SIDT1: variants seen among roughly 807,000 people sequenced by gnomAD.
SIDT1 encodes SID1 transmembrane family, member 1.
In SIDT1, 101 loss-of-function variants were observed where a neutral mutation model predicts 107.5. The observed-to-expected ratio is 0.94, with a 90% CI of 0.80 to 1.11. SIDT1 has a LOEUF of 1.11. Among genes scored for constraint, SIDT1 ranks in the 50% least tolerant of loss-of-function variants. The pLI is 0.00. For missense variants in SIDT1, 1,076 were observed against 1,058.2 expected (o/e 1.02, Z -0.23); for synonymous variants, 395 against 398.2 (o/e 0.99, Z 0.10).
intron 20 of SIDT1, among the ~76,000 whole-genome samples, chr3:113,619,071 C>G (rs903862165): frequency 1.3e-5 from 2 of 152,138 alleles, no homozygotes; most frequent in Non-Finnish European, 2.9e-5. Flanking sequence ...GTAATCTGCC[C>G]GCCTTAGCCT....
At chr3:113,558,118 A>G (rs1476506477) in intron 1 of SIDT1, among the ~76,000 whole-genome samples, 1 of 152,188 alleles carries the variant, frequency 6.6e-6, no homozygotes, top group Non-Finnish European at 1.5e-5. Flanking sequence ...GAGCCAGGAG[A>G]GCAATGAGAA....
In SIDT1 at chr3:113,533,141, C is replaced by G. The variant is rs757374837; in HGVS notation, c.120C>G (p.Phe40Leu). The G allele has an allele frequency of 4.4e-6, 7 of 1,575,094 alleles. No individual in the cohort carries two copies. Among genetic ancestry groups the G allele is most frequent in the Non-Finnish European group, 5.2e-6 (6 of 1,162,654 alleles). ...CCCCGGCACCGCGCCGCGACCCCTT[C>G]GACGCTGCCAGGGGCGCCGATTTCG... ...RQPPAPRRDPFDAARGADFDH... is the reference protein window; with the variant it reads ...RQPPAPRRDPLDAARGADFDH... Residue 40 changes from phenylalanine (F) to leucine (L), a missense_variant, in exon 1 of 25, where the codon TTC (phenylalanine) becomes TTG (leucine). Transcript: ENST00000264852.
At chr3:113,608,621 G>A in intron 17 of SIDT1, 85 bp downstream of exon 17, 1 of 944,300 alleles carries the variant, frequency 1.1e-6, no homozygotes, top group Non-Finnish European at 1.7e-6. Context: ...AGTCATGCTT[G>A]CAAAGATCAA....
intron 2 of SIDT1, 126 bp downstream of exon 2, chr3:113,566,667 C>T (rs1477753001): frequency 2.0e-5 from 21 of 1,062,046 alleles, no homozygotes; most frequent in Admixed American, 1.1e-4. Context: ...ATTCTGCATA[C>T]GGGGTGCAAA....
At chr3:113,543,559 G>A (rs868826052) in intron 1 of SIDT1, among the ~76,000 whole-genome samples, 18 of 152,150 alleles carry the variant, frequency 1.2e-4, no homozygotes, top group Middle Eastern at 3.4e-3. Context: ...GGGATACCTC[G>A]TCAACTTGGG....
downstream of SIDT1, among the ~76,000 whole-genome samples, chr3:113,631,191 T>C (rs1360271250): frequency 6.6e-6 from 1 of 152,166 alleles, no homozygotes; most frequent in East Asian, 1.9e-4. Flanking sequence ...AAGAAAAACC[T>C]AGGTTTTCTC....
chr3:113,572,973 G>T (rs1008198394), intron 3 of SIDT1, among the ~76,000 whole-genome samples: 10 of 150,858 alleles, frequency 6.6e-5, no homozygotes, highest in African/African-American at 2.2e-4. Flanking sequence ...TTTTGGAGGA[G>T]ACTACAATAA....
intron 1 of SIDT1, among the ~76,000 whole-genome samples, chr3:113,545,261 G>C (rs1420304538): frequency 2.0e-5 from 3 of 151,568 alleles, no homozygotes; most frequent in African/African-American, 7.3e-5. Flanking sequence ...TACTATGATG[G>C]TTTCCAACTA....
Position 113,581,364 on chromosome 3 carries a change from C to T in SIDT1, c.667C>T (p.Pro223Ser), listed in dbSNP as rs1560069361. 1 of 1,613,448 alleles carries T rather than the reference C, an allele frequency of 6.2e-7. No homozygotes were observed. The highest frequency in any genetic ancestry group is 8.5e-7 in the Non-Finnish European group (1 of 1,179,488). ...SVVSVQNIMC[P>S]VYDLDHNVEF... ...TTATTCCTCATGCATGCTGCAGTGC[C>T]CGGTGTATGATCTCGACCACAATGT... The change falls in exon 6 of 25, where the codon CCG becomes TCG. Residue 223 changes from proline to serine, a missense_variant. By Grantham distance (74) the Pro-to-Ser change is moderately conservative. Transcript: ENST00000264852.
At chr3:113,550,621 T>C (rs940501756) in intron 1 of SIDT1, among the ~76,000 whole-genome samples, 1 of 152,144 alleles carries the variant, frequency 6.6e-6, no homozygotes. Context: ...TTTTTCTGGG[T>C]TTTTTTGTCC....
intron 20 of SIDT1, among the ~76,000 whole-genome samples, chr3:113,618,119 T>C (rs1378562895): frequency 2.0e-5 from 3 of 152,216 alleles, no homozygotes; most frequent in Non-Finnish European, 4.4e-5. Flanking sequence ...CAACCACTAA[T>C]CTTTTTTCTA....
At chr3:113,625,500 T>C (rs1487484245) in intron 23 of SIDT1, among the ~76,000 whole-genome samples, 1 of 152,168 alleles carries the variant, frequency 6.6e-6, no homozygotes, top group Non-Finnish European at 1.5e-5. Flanking sequence ...GCTGTACTAA[T>C]TTACATTCCC....
intron 3 of SIDT1, among the ~76,000 whole-genome samples, chr3:113,573,007 T>TC (rs200140970): frequency 0.012 from 1,822 of 152,142 alleles, 29 homozygotes; most frequent in African/African-American, 0.041. Context: ...TTTTTTTTTT[T>TC]TTCTCTCTTA....
At chr3:113,574,122 T>C (rs1377610034) in intron 3 of SIDT1, among the ~76,000 whole-genome samples, 1 of 152,222 alleles carries the variant, frequency 6.6e-6, no homozygotes, top group Non-Finnish European at 1.5e-5. Context: ...TGGTTGAGAC[T>C]AGAATATATT....
chr3:113,605,122 C>CAAT, intron 14 of SIDT1, 146 bp downstream of exon 14: 1 of 307,000 alleles, frequency 3.3e-6, no homozygotes, highest in Non-Finnish European at 5.4e-6. Context: ...CTATTGCTTC[C>CAAT]TCTTTTTTTT....
chr3:113,549,234 T>A (rs1263140769), intron 1 of SIDT1, among the ~76,000 whole-genome samples: 3 of 152,186 alleles, frequency 2.0e-5, no homozygotes, highest in Non-Finnish European at 4.4e-5. Context: ...GGTTTTTGTG[T>A]GGACATAAGT....
chr3:113,546,344 G>T (rs1281996569), intron 1 of SIDT1, among the ~76,000 whole-genome samples: 1 of 152,080 alleles, frequency 6.6e-6, no homozygotes, highest in Non-Finnish European at 1.5e-5. Flanking sequence ...AGAAGCAAAT[G>T]AAAATTTTAC....
intron 1 of SIDT1, among the ~76,000 whole-genome samples, chr3:113,553,609 G>T (rs965167806): frequency 7.2e-5 from 11 of 152,128 alleles, no homozygotes; most frequent in Middle Eastern, 3.4e-3. Flanking sequence ...AGACAGGAAA[G>T]ATAAAGAGGA....
chr3:113,623,191 TTAAAAAA>T (rs1430576580), intron 21 of SIDT1, among the ~76,000 whole-genome samples: 1 of 37,926 alleles, frequency 2.6e-5, no homozygotes, highest in African/African-American at 1.1e-4. Flanking sequence ...ACCCCAACTC[TTAAAAAA>T]AAAAAAAAAA....
Sources: gnomAD v4.1 joint callset for allele counts (sites outside exome capture counted in the v4.1 genomes callset) on GRCh38, gnomAD v4.1.1 for gene constraint, MANE v1.5 for transcripts, NCBI Gene and HGNC (gene_info 2026-07-23, HGNC 2026-07-21) for gene names.